Variants in SAFB2 observed in about 807,000 individuals in gnomAD.
SAFB2 encodes the protein scaffold attachment factor B2.
A neutral mutation model predicts 100.6 loss-of-function variants in SAFB2; 32 were observed. The observed-to-expected ratio is 0.32, with a 90% CI of 0.24 to 0.43. The LOEUF is 0.43. Ranked by LOEUF, SAFB2 falls within the 20% of genes least tolerant of loss-of-function variation. The pLI, the probability that SAFB2 is intolerant of heterozygous loss-of-function variation, is 1.00. For synonymous variants in SAFB2, 500 were observed against 439.4 expected (o/e 1.14, Z -1.72); for missense variants, 1,185 against 1,163.4 (o/e 1.02, Z -0.27).
rs1395038168 is a variant in SAFB2, at chr19:5,594,082, G to A, written c.2016C>T (p.Cys672=). ...GCTCCCGCTCCAGCCGCTGGCGCTGGCACTCGAGCTGCAGGCGTTCCCGCT... is the reference window on the plus strand; with the variant it reads ...GCTCCCGCTCCAGCCGCTGGCGCTGACACTCGAGCTGCAGGCGTTCCCGCT... ...RLQRERLQLE[C]QRQRLERERM... The change falls in exon 15 of 21, where the codon TGC becomes TGT. Residue 672 remains cysteine (C), a synonymous_variant. Transcript: ENST00000252542. 1.2e-5 allele frequency: 19 copies of A among 1,596,444 alleles called. No individual in the cohort carries two copies. Among genetic ancestry groups the A allele is most frequent in the Non-Finnish European group, 1.5e-5 (18 of 1,176,328 alleles).
Position 5,622,763 on chromosome 19 carries a change from G to A in SAFB2, c.-48C>T, listed in dbSNP as rs1195235680. On this transcript the variant is annotated 5_prime_UTR_variant, in exon 1 of 21. Transcript: ENST00000252542. ...CCGACTCAGTCGCACACCGCCGGCAGCTATAGCGGCTCTGAACACAAAATG... is the reference window on the plus strand; with the variant it reads ...CCGACTCAGTCGCACACCGCCGGCAACTATAGCGGCTCTGAACACAAAATG... 17 of 1,549,172 alleles carry A rather than the reference G, an allele frequency of 1.1e-5. No homozygotes were observed. In the Admixed American group the frequency reaches 1.5e-4, roughly 14 times the overall value.
rs753222671 is a variant in SAFB2 at position 5,610,045 on chromosome 19, A to G, written c.1246T>C (p.Ser416Pro). The G allele has an allele frequency of 1.2e-6, 2 of 1,614,198 alleles. No homozygotes were observed. The highest frequency in any genetic ancestry group is 2.7e-5 in the African/African-American group (2 of 75,060). Residue 416 changes from serine to proline, a missense_variant, in exon 9 of 21, where the codon TCC (serine) becomes CCC (proline). Around this residue, in one of 3 missense-constraint regions of SAFB2, gnomAD observed 94 missense variants for 135.1 expected, o/e 0.70. Coordinates refer to ENST00000252542, the MANE Select transcript of SAFB2 (RefSeq NM_014649.3). ...GRNLWVSGLS[S>P]TTRATDLKNL... ...TTGAGATCCGTAGCGCGTGTTGTGG[A>G]GGACAGCCCGCTGACCCACAGGTTC...
intron 9 of SAFB2, 70 bp from the exon 10 acceptor site, chr19:5,605,006 CAATCAG>C: frequency 6.5e-7 from 1 of 1,537,980 alleles, no homozygotes; most frequent in Non-Finnish European, 8.8e-7. Context: ...TATTACCTGG[CAATCAG>C]AATCATTTTC....
chr19:5,604,898 C>T lies in SAFB2; in HGVS notation c.1335G>A (p.Pro445=), dbSNP rs969915319. 3.7e-6 allele frequency: 6 copies of T among 1,613,740 alleles called. No individual in the cohort carries two copies. Among genetic ancestry groups the T allele is most frequent in the East Asian group, 2.2e-5 (1 of 44,870 alleles). The change falls in exon 10 of 21, where the codon CCG becomes CCA. Residue 445 remains proline, a synonymous_variant. Transcript: ENST00000252542. The part of the protein sequence containing the change: ...GAKVVTNARS[P]GARCYGFVTM... ...TGACGAATCCATAGCATCGAGCCCC[C>T]GGGCTGCGGGCGTTCGTTACCACTT...
chr19:5,619,743 G>A (rs974785442), intron 2 of SAFB2, among the ~76,000 whole-genome samples: 4 of 151,956 alleles, frequency 2.6e-5, no homozygotes, highest in African/African-American at 9.7e-5. Context: ...TACTCAGGAG[G>A]CTGAGGCACA....
chr19:5,621,246 C>T (rs973144032), intron 2 of SAFB2, 63 bp downstream of exon 2: 2 of 1,082,570 alleles, frequency 1.8e-6, no homozygotes, highest in Non-Finnish European at 2.9e-6. Context: ...GGGAAGAGCA[C>T]ACTACACACC....
chr19:5,622,185 G>A (rs565449461), intron 1 of SAFB2, among the ~76,000 whole-genome samples: 218 of 152,340 alleles, frequency 1.4e-3, no homozygotes, highest in African/African-American at 1.9e-3. Flanking sequence ...TCCGGAGGAG[G>A]AAACTGAGGC....
intron 2 of SAFB2, among the ~76,000 whole-genome samples, chr19:5,617,778 TG>T (rs2053063258): frequency 6.6e-6 from 1 of 152,164 alleles, no homozygotes; most frequent in Admixed American, 6.5e-5. Context: ...AGAAACCCTG[TG>T]GGACACCATC....
intron 16 of SAFB2, among the ~76,000 whole-genome samples, chr19:5,592,258 G>A (rs528301359): frequency 2.6e-5 from 4 of 152,304 alleles, no homozygotes; most frequent in African/African-American, 9.6e-5. Flanking sequence ...GCCGAGGGGA[G>A]CCCAAAGACA....
chr19:5,603,039 G>A (rs2052698807), intron 11 of SAFB2, among the ~76,000 whole-genome samples: 2 of 152,040 alleles, frequency 1.3e-5, no homozygotes, highest in Middle Eastern at 3.4e-3. Context: ...TGGGGCCAAG[G>A]TGGGAAAATT....
chr19:5,595,241 C>G (rs2052511125), intron 14 of SAFB2, 120 bp downstream of exon 14: 2 of 1,353,210 alleles, frequency 1.5e-6, no homozygotes, highest in African/African-American at 1.5e-5. Flanking sequence ...AAGCACGACA[C>G]CCGCCAGCCC....
At chr19:5,622,208 G>A (rs1455173746) in intron 1 of SAFB2, among the ~76,000 whole-genome samples, 4 of 152,238 alleles carry the variant, frequency 2.6e-5, no homozygotes, top group Admixed American at 2.0e-4. Flanking sequence ...AGAGAGAAAG[G>A]CACCTGCCCA....
chr19:5,615,895 T>C (rs556591573), intron 4 of SAFB2, among the ~76,000 whole-genome samples: 1 of 152,368 alleles, frequency 6.6e-6, no homozygotes, highest in Non-Finnish European at 1.5e-5. Context: ...CTTTCTATTT[T>C]ATGACTCACC....
chr19:5,598,091 C>G (rs145267010), intron 13 of SAFB2, among the ~76,000 whole-genome samples: 67 of 148,342 alleles, frequency 4.5e-4, no homozygotes, highest in Non-Finnish European at 8.4e-4. Context: ...GCAGAGATCA[C>G]GCCACTGCAC....
intron 9 of SAFB2, among the ~76,000 whole-genome samples, chr19:5,609,166 T>C (rs967511108): frequency 6.6e-6 from 1 of 152,050 alleles, no homozygotes; most frequent in Non-Finnish European, 1.5e-5. Flanking sequence ...GGAAAGCTGC[T>C]GAATTGTACT....
rs773551661 is a variant in SAFB2 at position 5,590,332 on chromosome 19, C to T, written c.2471G>A (p.Gly824Asp). The change falls in exon 18 of 21, where the codon GGC (glycine) becomes GAC (aspartate). Residue 824 changes from glycine (G) to aspartate (D), a missense_variant. By Grantham distance (94) the Gly-to-Asp change is moderately conservative. Coordinates refer to ENST00000252542, the MANE Select transcript of SAFB2 (RefSeq NM_014649.3). ...HGRDSRDGWGGYGSDKRLSEG... is the reference protein window; with the variant it reads ...HGRDSRDGWGDYGSDKRLSEG... ...ACTCAGCCTCTTGTCGGAGCCGTAG[C>T]CCCCCCAGCCATCACGGGAGTCCCG... 53 of 1,607,556 alleles carry T rather than the reference C, an allele frequency of 3.3e-5. No individual in the cohort carries two copies. Among genetic ancestry groups the T allele is most frequent in the Middle Eastern group, 3.3e-4 (2 of 6,066 alleles).
Position 5,611,271 on chromosome 19 carries a change from C to T in SAFB2, c.994G>A (p.Glu332Lys), listed in dbSNP as rs1195308644. 86 of 384,884 alleles carry T rather than the reference C, an allele frequency of 2.2e-4. 1 individual carries two copies. Among genetic ancestry groups the T allele is most frequent in the South Asian group, 2.0e-3 (78 of 38,616 alleles). The allele number at this position is 384,884 out of a possible 1,614,324, so 23.8% of individuals were successfully genotyped here. The change falls in exon 7 of 21, where the codon GAG (glutamate) becomes AAG (lysine). Residue 332 changes from glutamate (E) to lysine (K), a missense_variant. Glu to Lys is a moderately conservative substitution (Grantham distance 56). Coordinates refer to ENST00000252542, the MANE Select transcript of SAFB2 (RefSeq NM_014649.3). ...AASELAEASS[E>K]ELAEAPTEAP... ...TCCGTGGGTGCTTCTGCGAGCTCCT[C>T]GCTAGAGGCCTCCGCGAGCTCGGAG... is the stretch of plus-strand genomic sequence containing the variant.
Position 5,610,632 on chromosome 19 carries a change from A to C in SAFB2, c.1195+7T>G, listed in dbSNP as rs1237737381. The C allele has an allele frequency of 1.9e-6, 3 of 1,564,998 alleles. No individual in the cohort carries two copies. The Admixed American group carries it at 5.2e-5, about 27-fold the overall frequency. The stretch of plus-strand genomic sequence containing the variant: ...CTGGCTCCCTACCACGTTAAATTAA[A>C]TCATACCTTTTTCATCTTTAATGAT... On this transcript the variant is annotated splice_region_variant and intron_variant, in intron 8 of 20. Transcript: ENST00000252542.
chr19:5,610,763 T>A (rs1295207013), intron 7 of SAFB2, 75 bp from the exon 8 acceptor site: 5 of 1,019,820 alleles, frequency 4.9e-6, no homozygotes, highest in Non-Finnish European at 7.3e-6. Flanking sequence ...GATTATGTGC[T>A]AAAACTGAAT....
Sources: gnomAD v4.1 joint callset for allele counts (sites outside exome capture counted in the v4.1 genomes callset) on GRCh38, gnomAD v4.1.1 for gene constraint, gnomAD v4.1.1 regional missense constraint, MANE v1.5 for transcripts, NCBI Gene and HGNC (gene_info 2026-07-23, HGNC 2026-07-21) for gene names.